Variants in NXPH2 observed in about 807,000 individuals in gnomAD.
NXPH2 encodes the protein neurexophilin-2.
Under a neutral mutation model 19.8 loss-of-function variants are expected in NXPH2, and 5 were observed. The observed-to-expected ratio is 0.25, with a 90% confidence interval of 0.13 to 0.53. The LOEUF is 0.53. Among genes scored for constraint, NXPH2 ranks in the 20% least tolerant of loss-of-function variants. NXPH2 has a pLI of 0.96. For synonymous variants in NXPH2, 154 were observed against 127.4 expected, an observed-to-expected ratio of 1.21 and a Z score of -1.41; for missense variants, 289 against 322.8, an observed-to-expected ratio of 0.90 and a Z score of 0.80.
chr2:138,699,208 C>G (rs935145469), intron 1 of NXPH2, among the ~76,000 whole-genome samples: 1 of 152,014 alleles, frequency 6.6e-6, no homozygotes, highest in Non-Finnish European at 1.5e-5. Context: ...GGAATGAGTA[C>G]AAACCCATTT....
intron 1 of NXPH2, among the ~76,000 whole-genome samples, chr2:138,773,326 G>T (rs1390507888): frequency 6.6e-6 from 1 of 152,104 alleles, no homozygotes; most frequent in Non-Finnish European, 1.5e-5. Context: ...TATTCCTCAA[G>T]CCAATCCCAA....
chr2:138,728,858 C>T (rs757390347), intron 1 of NXPH2, among the ~76,000 whole-genome samples: 30 of 152,108 alleles, frequency 2.0e-4, no homozygotes, highest in Non-Finnish European at 4.0e-4. Flanking sequence ...CTGTTTTCAT[C>T]GTCTAGTCTA....
chr2:138,776,581 C>T (rs964602534), intron 1 of NXPH2, among the ~76,000 whole-genome samples: 9 of 148,764 alleles, frequency 6.0e-5, no homozygotes, highest in Admixed American at 1.3e-4. Flanking sequence ...TTTTAATGCA[C>T]GGCCAACTCT....
intron 1 of NXPH2, among the ~76,000 whole-genome samples, chr2:138,672,448 C>T (rs925142071): frequency 7.2e-5 from 11 of 152,146 alleles, no homozygotes; most frequent in African/African-American, 1.7e-4. Flanking sequence ...GCCACCGAAA[C>T]GTAAGACTTT....
intron 1 of NXPH2, among the ~76,000 whole-genome samples, chr2:138,681,817 T>C (rs1294815973): frequency 6.6e-6 from 1 of 152,198 alleles, no homozygotes; most frequent in Non-Finnish European, 1.5e-5. Context: ...CATTGCTAAG[T>C]GCAAGTTTGG....
chr2:138,691,597 C>T (rs1680747713), intron 1 of NXPH2, among the ~76,000 whole-genome samples: 1 of 152,104 alleles, frequency 6.6e-6, no homozygotes. Flanking sequence ...GGAATTTATT[C>T]CTCACTATTG....
chr2:138,693,833 T>C (rs1680785857), intron 1 of NXPH2, among the ~76,000 whole-genome samples: 1 of 152,144 alleles, frequency 6.6e-6, no homozygotes, highest in African/African-American at 2.4e-5. Flanking sequence ...TGTTATGGGT[T>C]GAATTATGTT....
intron 1 of NXPH2, among the ~76,000 whole-genome samples, chr2:138,750,309 T>A (rs954341042): frequency 6.6e-6 from 1 of 152,102 alleles, no homozygotes; most frequent in Non-Finnish European, 1.5e-5. Flanking sequence ...GTAAATAGAG[T>A]AAGTAACCTG....
At chr2:138,775,130 G>C (rs1173551911) in intron 1 of NXPH2, among the ~76,000 whole-genome samples, 1 of 152,150 alleles carries the variant, frequency 6.6e-6, no homozygotes, top group African/African-American at 2.4e-5. Context: ...TTTGATCTTT[G>C]TGAATGATCT....
intron 1 of NXPH2, among the ~76,000 whole-genome samples, chr2:138,761,394 G>C (rs1407904409): frequency 6.6e-6 from 1 of 152,114 alleles, no homozygotes; most frequent in South Asian, 2.1e-4. Flanking sequence ...CAATAGTCAG[G>C]GGCCAGGACA....
At chr2:138,687,684 A>G (rs778251038) in intron 1 of NXPH2, among the ~76,000 whole-genome samples, 1 of 152,244 alleles carries the variant, frequency 6.6e-6, no homozygotes, top group Non-Finnish European at 1.5e-5. Context: ...CTAACATTTA[A>G]GTCTTTAATC....
At chr2:138,677,366 GC>G in intron 1 of NXPH2, among the ~76,000 whole-genome samples, 1 of 152,136 alleles carries the variant, frequency 6.6e-6, no homozygotes, top group East Asian at 1.9e-4. Context: ...ATTTATCAAA[GC>G]TTAAGTAATT....
chr2:138,697,698 T>G (rs1558916185), intron 1 of NXPH2, among the ~76,000 whole-genome samples: 1 of 150,712 alleles, frequency 6.6e-6, no homozygotes, highest in Non-Finnish European at 1.5e-5. Flanking sequence ...TTAAACACAC[T>G]TTTTTTAATT....
At chr2:138,747,073 A>T (rs2105009639) in intron 1 of NXPH2, among the ~76,000 whole-genome samples, 1 of 152,326 alleles carries the variant, frequency 6.6e-6, no homozygotes, top group East Asian at 1.9e-4. Flanking sequence ...TGCTGTGAAG[A>T]TAAATCTCAA....
At chr2:138,676,690 T>A (rs571349528) in intron 1 of NXPH2, among the ~76,000 whole-genome samples, 1 of 152,364 alleles carries the variant, frequency 6.6e-6, no homozygotes, top group Admixed American at 6.5e-5. Context: ...ATTCGATGAC[T>A]GATGGCTCTT....
intron 1 of NXPH2, among the ~76,000 whole-genome samples, chr2:138,760,879 T>C (rs1682000719): frequency 6.6e-6 from 1 of 152,086 alleles, no homozygotes; most frequent in Admixed American, 6.5e-5. Flanking sequence ...CTGTCTGAAG[T>C]CAAATGCTGG....
intron 1 of NXPH2, among the ~76,000 whole-genome samples, chr2:138,694,125 C>T (rs1680791317): frequency 6.6e-6 from 1 of 152,172 alleles, no homozygotes; most frequent in Admixed American, 6.5e-5. Context: ...AAAACTGTAA[C>T]CAGCCAAATA....
At chr2:138,713,920 C>A (rs944076902) in intron 1 of NXPH2, among the ~76,000 whole-genome samples, 3 of 151,804 alleles carry the variant, frequency 2.0e-5, no homozygotes, top group African/African-American at 7.3e-5. Context: ...TTGGCACATT[C>A]CTATTCAGTG....
intron 1 of NXPH2, among the ~76,000 whole-genome samples, chr2:138,747,782 A>T (rs990067804): frequency 1.3e-5 from 2 of 152,144 alleles, no homozygotes; most frequent in African/African-American, 2.4e-5. Context: ...ACCACAGAAG[A>T]TGTTTTCCAA....
Sources: allele counts gnomAD v4.1 joint callset (sites outside exome capture counted in the v4.1 genomes callset), GRCh38; gene constraint gnomAD v4.1.1; transcripts MANE v1.5; gene names NCBI Gene and HGNC (gene_info 2026-07-23, HGNC 2026-07-21).